CPPED1: variants seen among roughly 807,000 people sequenced by gnomAD.
CPPED1 encodes serine/threonine-protein phosphatase CPPED1.
A neutral mutation model predicts 28.0 loss-of-function variants in CPPED1; 28 were observed. The observed-to-expected ratio is 1.00, with a 90% CI of 0.74 to 1.37. The LOEUF is 1.37. Ranked by LOEUF, CPPED1 falls within the 40% of genes most tolerant of loss-of-function variation. The pLI is 0.00. For missense variants in CPPED1, 504 were observed against 416.5 expected (o/e 1.21, Z -1.83); for synonymous variants, 198 against 180.2 (o/e 1.10, Z -0.79).
intron 1 of CPPED1, among the ~76,000 whole-genome samples, chr16:12,787,391 A>G (rs1269387175): frequency 7.0e-6 from 1 of 143,820 alleles, no homozygotes; most frequent in East Asian, 2.1e-4. Context: ...AATATCCAGA[A>G]TGAATTTTTC....
intron 1 of CPPED1, among the ~76,000 whole-genome samples, chr16:12,785,395 A>C (rs997202390): frequency 1.3e-5 from 2 of 150,630 alleles, no homozygotes; most frequent in African/African-American, 4.9e-5. Context: ...GATTACAGGC[A>C]TGAGCCACCA....
rs189959596 is a variant in CPPED1 at position 12,672,886 on chromosome 16, C to T, written c.716-7771G>A. Among the ~76,000 whole-genome samples, 45 of 152,152 alleles carry T rather than the reference C, an allele frequency of 3.0e-4. 1 individual carries two copies. Among genetic ancestry groups the T allele is most frequent in the Admixed American group, 2.9e-3 (44 of 15,288 alleles). ...AAAACTAGCCAGGCGTGGTGGCAGG[C>T]GCCTGTAATCCTAGCTACTTGGGAG... is the stretch of plus-strand genomic sequence containing the variant. On this transcript the variant is annotated intron_variant, in intron 3 of 3. Coordinates refer to ENST00000381774, the MANE Select transcript of CPPED1 (RefSeq NM_018340.3).
rs896211843 is a variant in CPPED1, at chr16:12,660,092, C to T, written c.*4794G>A. Reference sequence around the variant, plus strand: ...TCGAGATGAGATTTCAGTGGGGACACAGAGCCAAACCAATTTGGGTGGAGA... The same window carrying T: ...TCGAGATGAGATTTCAGTGGGGACATAGAGCCAAACCAATTTGGGTGGAGA... On this transcript the variant is annotated 3_prime_UTR_variant, in exon 4 of 4. Coordinates refer to ENST00000381774, the MANE Select transcript of CPPED1 (RefSeq NM_018340.3). The T allele has an allele frequency of 9.9e-5, 15 of 152,278 alleles. No homozygotes were observed. The highest frequency in any genetic ancestry group is 3.6e-4 in the African/African-American group (15 of 41,552). 9.4% of individuals were successfully genotyped at this position (152,278 alleles called of 1,614,324 possible).
At chr16:12,753,753 T>C (rs1002846886) in intron 2 of CPPED1, 3 of 152,188 alleles carry the variant, frequency 2.0e-5, no homozygotes, top group African/African-American at 4.8e-5. Context: ...CCTGTGGTTC[T>C]TTATTTGGTT....
chr16:12,690,505 C>T (rs538517248), intron 3 of CPPED1, among the ~76,000 whole-genome samples: 2 of 148,622 alleles, frequency 1.3e-5, no homozygotes, highest in Non-Finnish European at 3.0e-5. Context: ...TAGCGCAAGA[C>T]TCCTTCTCAA....
chr16:12,768,005 A>G (rs139001100), intron 2 of CPPED1, among the ~76,000 whole-genome samples: 66 of 152,262 alleles, frequency 4.3e-4, no homozygotes, highest in African/African-American at 1.6e-3. Flanking sequence ...TGTATGACTT[A>G]GTGCCCCAGA....
At chr16:12,790,642 C>T (rs762379699) in intron 1 of CPPED1, among the ~76,000 whole-genome samples, 42 of 152,084 alleles carry the variant, frequency 2.8e-4, no homozygotes, top group African/African-American at 8.9e-4. Context: ...TCACATTGGC[C>T]GGTCGCGGTG....
intron 2 of CPPED1, among the ~76,000 whole-genome samples, chr16:12,724,881 G>C (rs1304059085): frequency 6.6e-6 from 1 of 151,972 alleles, no homozygotes; most frequent in Non-Finnish European, 1.5e-5. Flanking sequence ...CAGCCTCTCG[G>C]GTTCACGCCA....
intron 2 of CPPED1, among the ~76,000 whole-genome samples, chr16:12,729,264 G>A (rs2080185440): frequency 6.6e-6 from 1 of 152,176 alleles, no homozygotes; most frequent in African/African-American, 2.4e-5. Flanking sequence ...CCAAGGGCCA[G>A]GGGAATACCT....
At chr16:12,684,880 G>A (rs1406579844) in intron 3 of CPPED1, among the ~76,000 whole-genome samples, 1 of 152,154 alleles carries the variant, frequency 6.6e-6, no homozygotes, top group Non-Finnish European at 1.5e-5. Flanking sequence ...GAAACTTGTG[G>A]CAACTCAGAA....
At chr16:12,708,911 C>T (rs1173275662) in intron 2 of CPPED1, among the ~76,000 whole-genome samples, 1 of 152,170 alleles carries the variant, frequency 6.6e-6, no homozygotes, top group African/African-American at 2.4e-5. Context: ...AAAACCCCAT[C>T]TCTACTAAAA....
intron 2 of CPPED1, among the ~76,000 whole-genome samples, chr16:12,744,883 C>G (rs1336821560): frequency 1.3e-5 from 2 of 152,070 alleles, no homozygotes; most frequent in Admixed American, 6.6e-5. Flanking sequence ...ACTTGGAAGG[C>G]TGAGAGTATG....
At chr16:12,700,150 G>A (rs1349709263) in intron 3 of CPPED1, among the ~76,000 whole-genome samples, 2 of 152,214 alleles carry the variant, frequency 1.3e-5, no homozygotes, top group Non-Finnish European at 2.9e-5. Context: ...AAACTGACAG[G>A]GAATTTCGGG....
At chr16:12,679,640 C>A (rs1021666613) in intron 3 of CPPED1, among the ~76,000 whole-genome samples, 7 of 152,116 alleles carry the variant, frequency 4.6e-5, no homozygotes, top group African/African-American at 1.7e-4. Context: ...GACAATGTAT[C>A]TTTTACTTAT....
At chr16:12,766,258 G>T (rs61652917) in intron 2 of CPPED1, among the ~76,000 whole-genome samples, 89,571 of 116,462 alleles carry the variant, frequency 0.77, 33,379 homozygotes, top group South Asian at 0.8. Context: ...TATATATATA[G>T]AGAGAGAGAG....
chr16:12,737,986 T>C (rs1380430301), intron 2 of CPPED1, among the ~76,000 whole-genome samples: 1 of 152,244 alleles, frequency 6.6e-6, no homozygotes, highest in East Asian at 1.9e-4. Context: ...TGATAATGAC[T>C]GACGCCTTCC....
At chr16:12,730,121 C>T (rs77632764) in intron 2 of CPPED1, among the ~76,000 whole-genome samples, 6 of 152,228 alleles carry the variant, frequency 3.9e-5, no homozygotes, top group East Asian at 1.9e-4. Context: ...CTTAGCCTCC[C>T]GAGTTGCTGG....
intron 2 of CPPED1, among the ~76,000 whole-genome samples, chr16:12,720,053 A>G (rs1269596575): frequency 6.6e-6 from 1 of 152,188 alleles, no homozygotes; most frequent in African/African-American, 2.4e-5. Context: ...TTATCAGGCC[A>G]TTATTAAAAC....
rs572940529 is a variant in CPPED1, at chr16:12,682,094, C to G, written c.716-16979G>C. ...GGTCGCCTATGTTGGAGTGCAGTGG[C>G]GCGATCTTGGCTCACTGCAACTTGC... On this transcript the variant is annotated intron_variant, in intron 3 of 3. Transcript: ENST00000381774. This position sits in a 1 kb window ranked among gnomAD's most constrained non-coding sequence, Gnocchi z 6.1. Among the ~76,000 whole-genome samples the G allele has an allele frequency of 6.6e-6, 1 of 152,166 alleles. No individual in the cohort carries two copies. Among genetic ancestry groups the G allele is most frequent in the African/African-American group, 2.4e-5 (1 of 41,500 alleles).
Sources: gnomAD v4.1 joint callset for allele counts (sites outside exome capture counted in the v4.1 genomes callset) on GRCh38, gnomAD v4.1.1 for gene constraint, Gnocchi (gnomAD v3.1) non-coding constraint, MANE v1.5 for transcripts, NCBI Gene and HGNC (gene_info 2026-07-23, HGNC 2026-07-21) for gene names.